Variants in COL4A6 observed in about 807,000 individuals in gnomAD.
COL4A6 encodes the protein collagen type IV alpha 6 chain, also known as collagen alpha-6(IV) chain.
In COL4A6, 59 loss-of-function variants were observed where a neutral mutation model predicts 126.7. The ratio of observed to expected loss-of-function variants is 0.47; its 90% CI spans 0.38 to 0.58. COL4A6 has a LOEUF of 0.58. COL4A6 is among the 20% of genes least tolerant of loss of function. The pLI is 0.00. For synonymous variants in COL4A6, 547 were observed against 496.6 expected, an observed-to-expected ratio of 1.10 and a Z score of -1.35; for missense variants, 1,285 against 1,337.3, an observed-to-expected ratio of 0.96 and a Z score of 0.61.
intron 2 of COL4A6, among the ~76,000 whole-genome samples, chrX:108,364,550 A>G (rs1186581896): frequency 1.8e-5 from 2 of 110,949 alleles, no homozygotes; most frequent in African/African-American, 6.6e-5. Context: ...TGTGCATTGT[A>G]CCCATTAAAT....
At chrX:108,385,325 A>G (rs1173922095) in intron 2 of COL4A6, among the ~76,000 whole-genome samples, 1 of 111,097 alleles carries the variant, frequency 9.0e-6, no homozygotes, top group Admixed American at 9.6e-5. Flanking sequence ...GAAAACTACA[A>G]AACATTTTTA....
chrX:108,348,266 T>A (rs1004138559), intron 2 of COL4A6, among the ~76,000 whole-genome samples: 3 of 111,963 alleles, frequency 2.7e-5, no homozygotes, highest in African/African-American at 9.7e-5. Context: ...TCCGTGAATA[T>A]GAATAGAATG....
intron 20 of COL4A6, among the ~76,000 whole-genome samples, chrX:108,189,863 T>C (rs2034984161): frequency 8.9e-6 from 1 of 112,311 alleles, no homozygotes; most frequent in Admixed American, 9.4e-5. Context: ...GTTTCACTTC[T>C]TCCTTCCCCT....
rs139573576 is a variant in COL4A6, at chrX:108,328,605, A to C, written c.64-17777T>G. Among the ~76,000 whole-genome samples the C allele has an allele frequency of 2.7e-3, 305 of 112,318 alleles. 4 individuals carry two copies. The highest frequency in any genetic ancestry group is 2.7e-3 in the Non-Finnish European group (142 of 53,199). ...TTCCACAAATATTTCAGGGAGAAAA[A>C]AGAGAGATTGAGGAGAAGCTACAGA... On this transcript the variant is annotated intron_variant, in intron 2 of 44. Coordinates refer to ENST00000334504, the MANE Select transcript of COL4A6 (RefSeq NM_033641.4).
chrX:108,283,983 C>A lies in COL4A6; in HGVS notation c.144+26765G>T, dbSNP rs1191950764. On this transcript the variant is annotated intron_variant, in intron 3 of 44. Transcript: ENST00000334504. Reference sequence around the variant, plus strand: ...AAGGGTCACACTTGAGAAATGTGAGCAAGATGATGAAGCCCAAAATACAGA... The same window carrying A: ...AAGGGTCACACTTGAGAAATGTGAGAAAGATGATGAAGCCCAAAATACAGA... Among the ~76,000 whole-genome samples, 3 of 110,939 alleles carry A rather than the reference C, an allele frequency of 2.7e-5. No individual in the cohort carries two copies. In the Admixed American group the frequency reaches 2.9e-4, roughly 11 times the overall value.
intron 13 of COL4A6, among the ~76,000 whole-genome samples, chrX:108,198,308 G>A (rs927281981): frequency 9.0e-6 from 1 of 111,325 alleles, no homozygotes; most frequent in Non-Finnish European, 1.9e-5. Context: ...ACCATCTTGT[G>A]CCCCCATCTA....
intron 3 of COL4A6, among the ~76,000 whole-genome samples, chrX:108,225,065 A>C (rs2036128246): frequency 9.5e-6 from 1 of 104,823 alleles, no homozygotes; most frequent in African/African-American, 3.4e-5. Context: ...GGAAGGGGGA[A>C]GGCCGAGAGA....
intron 3 of COL4A6, among the ~76,000 whole-genome samples, chrX:108,245,306 G>A (rs184331616): frequency 8.9e-6 from 1 of 111,856 alleles, no homozygotes; most frequent in Non-Finnish European, 1.9e-5. Context: ...AGATATTTTT[G>A]TCACTAATTA....
intron 2 of COL4A6, among the ~76,000 whole-genome samples, chrX:108,431,568 G>T (rs1322976110): frequency 8.9e-6 from 1 of 111,924 alleles, no homozygotes; most frequent in Non-Finnish European, 1.9e-5. Flanking sequence ...TAGAAATTAA[G>T]TATGGTTTAA....
intron 6 of COL4A6, among the ~76,000 whole-genome samples, chrX:108,213,382 G>A (rs1054703564): frequency 1.8e-5 from 2 of 112,101 alleles, no homozygotes; most frequent in Non-Finnish European, 3.8e-5. Context: ...ATTTACTAGA[G>A]ATCCCTTAGA....
At chrX:108,385,251 C>T (rs945526307) in intron 2 of COL4A6, among the ~76,000 whole-genome samples, 3 of 106,508 alleles carry the variant, frequency 2.8e-5, no homozygotes, top group African/African-American at 1.0e-4. Flanking sequence ...ATTACATTTA[C>T]AGTACTATCA....
chrX:108,273,108 C>A (rs983650792), intron 3 of COL4A6, among the ~76,000 whole-genome samples: 5 of 110,023 alleles, frequency 4.5e-5, no homozygotes, highest in Non-Finnish European at 9.5e-5. Context: ...CGACAGGCCC[C>A]GGTGTGTGAC....
chrX:108,178,744 G>C lies in COL4A6; in HGVS notation c.2455C>G (p.Pro819Ala). The C allele has an allele frequency of 8.3e-7, 1 of 1,211,668 alleles. No homozygotes were observed. The highest frequency in any genetic ancestry group is 1.8e-5 in the South Asian group (1 of 56,933). The part of the protein sequence containing the change: ...GQPGTPGSSG[P>A]YGIKGKSGLP... Reference sequence around the variant, plus strand: ...CCAGATTTGCCCTTGATGCCATATGGACCACTAGATCCTGGGGTGCCTGGC... The same window carrying C: ...CCAGATTTGCCCTTGATGCCATATGCACCACTAGATCCTGGGGTGCCTGGC... The change falls in exon 27 of 45, where the codon CCA becomes GCA. Residue 819 changes from proline to alanine, a missense_variant. Pro to Ala is a conservative substitution (Grantham distance 27, BLOSUM62 -1). Coordinates refer to ENST00000334504, the MANE Select transcript of COL4A6 (RefSeq NM_033641.4).
chrX:108,255,956 A>G (rs140264709), intron 3 of COL4A6, among the ~76,000 whole-genome samples: 104 of 111,280 alleles, frequency 9.3e-4, no homozygotes, highest in African/African-American at 3.1e-3. Flanking sequence ...TACGTAAAGT[A>G]TACTAGCCAG....
chrX:108,296,632 A>AATC (rs1357801489), intron 3 of COL4A6, among the ~76,000 whole-genome samples: 1 of 112,274 alleles, frequency 8.9e-6, no homozygotes, highest in African/African-American at 3.2e-5. Flanking sequence ...AGGGGCTCAT[A>AATC]ATCAGTAGGG....
intron 2 of COL4A6, among the ~76,000 whole-genome samples, chrX:108,429,142 T>A (rs1389588371): frequency 1.8e-5 from 2 of 112,144 alleles, no homozygotes; most frequent in Non-Finnish European, 3.8e-5. Context: ...ACAACATGGA[T>A]AAATCTCAAA....
At chrX:108,288,358 G>C (rs1372691072) in intron 3 of COL4A6, among the ~76,000 whole-genome samples, 1 of 111,883 alleles carries the variant, frequency 8.9e-6, no homozygotes. Flanking sequence ...GCTGGTGCCA[G>C]TTGACAAAAA....
At chrX:108,258,021 A>G (rs1665771243) in intron 3 of COL4A6, among the ~76,000 whole-genome samples, 1 of 111,546 alleles carries the variant, frequency 9.0e-6, no homozygotes, top group Non-Finnish European at 1.9e-5. Context: ...TGAAGGGGCT[A>G]ATGTTGGCAG....
chrX:108,240,878 A>G (rs1311805107), intron 3 of COL4A6, among the ~76,000 whole-genome samples: 1 of 112,154 alleles, frequency 8.9e-6, no homozygotes, highest in Non-Finnish European at 1.9e-5. Context: ...GAATCATGCT[A>G]ATGTTTTCTA....
Sources: allele counts gnomAD v4.1 joint callset (sites outside exome capture counted in the v4.1 genomes callset), GRCh38; gene constraint gnomAD v4.1.1; transcripts MANE v1.5; gene names NCBI Gene and HGNC (gene_info 2026-07-23, HGNC 2026-07-21).